Variants in ATP2B4 observed in about 807,000 individuals in gnomAD.
ATP2B4 encodes plasma membrane calcium-transporting ATPase 4.
In ATP2B4, 39 loss-of-function variants were observed where a neutral mutation model predicts 110.3. The observed-to-expected ratio is 0.35, with a 90% CI of 0.27 to 0.46. The LOEUF (loss-of-function observed/expected upper bound fraction) is 0.46. Among genes scored for constraint, ATP2B4 ranks in the 20% least tolerant of loss-of-function variants. The pLI, the probability that ATP2B4 is intolerant of heterozygous loss-of-function variation, is 1.00. For missense variants in ATP2B4, 1,135 were observed against 1,530.9 expected, an observed-to-expected ratio of 0.74 and a Z score of 4.32; for synonymous variants, 538 against 571.7, an observed-to-expected ratio of 0.94 and a Z score of 0.84.
intron 1 of ATP2B4, among the ~76,000 whole-genome samples, chr1:203,645,590 C>CTTTTTTTTTTTTT: frequency 7.2e-6 from 1 of 138,536 alleles, no homozygotes; most frequent in Non-Finnish European, 1.6e-5. Context: ...CCTTTTCTTT[C>CTTTTTTTTTTTTT]TTTTTTTTTT....
In ATP2B4 at chr1:203,681,933, T is replaced by TAAA. The variant is rs33945815; in HGVS notation, c.-464-808_-464-807insAAA. 2.5e-3 allele frequency among the ~76,000 whole-genome samples: 362 copies of TAAA among 147,036 alleles called. 1 individual carries two copies. Among genetic ancestry groups the TAAA allele is most frequent in the Middle Eastern group, 6.9e-3 (2 of 290 alleles). The stretch of plus-strand genomic sequence containing the variant: ...TCAGAGGTCCTTCTGTCCCCTTTAC[T>TAAA]AGAAAAAAAAAAAAGTTCACCCTGC... On this transcript the variant is annotated intron_variant, in intron 1 of 20. Transcript: ENST00000357681.
chr1:203,720,523 C>A, intron 15 of ATP2B4, 26 bp from the exon 16 acceptor site: 1 of 1,577,752 alleles, frequency 6.3e-7, no homozygotes, highest in Non-Finnish European at 8.6e-7. Context: ...CACTCCCTCA[C>A]TGTTTTCCCT....
chr1:203,713,377 C>T (rs1666068277), intron 14 of ATP2B4, 125 bp downstream of exon 14: 1 of 925,712 alleles, frequency 1.1e-6, no homozygotes, highest in Non-Finnish European at 1.7e-6. Flanking sequence ...AGCTCCCAGG[C>T]TAGTGGGGAG....
At chr1:203,722,710 G>C in intron 18 of ATP2B4, 21 bp downstream of exon 18, 1 of 1,611,012 alleles carries the variant, frequency 6.2e-7, no homozygotes, top group Admixed American at 1.7e-5. Context: ...ATCTGCAGTT[G>C]GGGCAGGAGA....
intron 7 of ATP2B4, 40 bp downstream of exon 7, chr1:203,702,119 C>T: frequency 6.2e-7 from 1 of 1,610,360 alleles, no homozygotes; most frequent in Non-Finnish European, 8.5e-7. Context: ...TCTACCTGCC[C>T]ACACTCAAAC....
At chr1:203,653,262 G>C (rs904125935) in intron 1 of ATP2B4, among the ~76,000 whole-genome samples, 3 of 152,218 alleles carry the variant, frequency 2.0e-5, no homozygotes, top group Admixed American at 1.3e-4. Flanking sequence ...GGTTGACAGA[G>C]GGGAGGAAGC....
At chr1:203,691,242 G>T (rs1665364356) in intron 2 of ATP2B4, among the ~76,000 whole-genome samples, 1 of 152,156 alleles carries the variant, frequency 6.6e-6, no homozygotes, top group East Asian at 1.9e-4. Context: ...TTTTTTGGGG[G>T]TCTGATTTGG....
At chr1:203,719,145 A>G (rs1399065739) in intron 15 of ATP2B4, among the ~76,000 whole-genome samples, 3 of 149,644 alleles carry the variant, frequency 2.0e-5, no homozygotes, top group Non-Finnish European at 4.4e-5. Flanking sequence ...GGATTGCTTG[A>G]GCCCAAGAAT....
chr1:203,693,285 T>C (rs1324777133), intron 2 of ATP2B4, among the ~76,000 whole-genome samples: 1 of 152,096 alleles, frequency 6.6e-6, no homozygotes, highest in Admixed American at 6.5e-5. Flanking sequence ...TTGGCCGAGC[T>C]CCCAGTCCCA....
intron 19 of ATP2B4, among the ~76,000 whole-genome samples, chr1:203,726,707 C>T (rs532225384): frequency 1.4e-4 from 21 of 152,268 alleles, no homozygotes; most frequent in African/African-American, 3.4e-4. Flanking sequence ...TTATCTTGTC[C>T]GGAAAGAACT....
chr1:203,655,311 C>G (rs1664126117), intron 1 of ATP2B4, among the ~76,000 whole-genome samples: 1 of 151,460 alleles, frequency 6.6e-6, no homozygotes, highest in South Asian at 2.1e-4. Context: ...AAGTTCTACT[C>G]TGGGTAAAAT....
intron 1 of ATP2B4, among the ~76,000 whole-genome samples, chr1:203,645,236 G>A (rs1663758678): frequency 6.6e-6 from 1 of 152,100 alleles, no homozygotes; most frequent in Non-Finnish European, 1.5e-5. Flanking sequence ...TTGTCTAAAT[G>A]GGGTCTAACT....
chr1:203,652,833 T>C (rs2102320598), intron 1 of ATP2B4, among the ~76,000 whole-genome samples: 1 of 152,332 alleles, frequency 6.6e-6, no homozygotes, highest in African/African-American at 2.4e-5. Flanking sequence ...TCTTCATCTC[T>C]CTCTTTCTCC....
At chr1:203,637,375 G>A (rs1440547668) in intron 1 of ATP2B4, among the ~76,000 whole-genome samples, 1 of 147,302 alleles carries the variant, frequency 6.8e-6, no homozygotes, top group African/African-American at 2.5e-5. Context: ...GGCGGAGCCT[G>A]CAGTGAGCCG....
chr1:203,723,497 C>T (rs1435970043), intron 18 of ATP2B4, among the ~76,000 whole-genome samples: 6 of 142,682 alleles, frequency 4.2e-5, no homozygotes, highest in African/African-American at 1.3e-4. Context: ...TTCCCCCCTC[C>T]CCCAGGGGGA....
intron 1 of ATP2B4, among the ~76,000 whole-genome samples, chr1:203,678,956 T>C (rs1269282102): frequency 1.3e-5 from 2 of 152,186 alleles, no homozygotes; most frequent in Non-Finnish European, 2.9e-5. Context: ...ACAGATGTTA[T>C]AGGAATTTAG....
chr1:203,646,569 C>T (rs1663807283), intron 1 of ATP2B4, among the ~76,000 whole-genome samples: 1 of 152,088 alleles, frequency 6.6e-6, no homozygotes, highest in African/African-American at 2.4e-5. Flanking sequence ...TCAAGACCAG[C>T]CTGGTTAACA....
intron 20 of ATP2B4, among the ~76,000 whole-genome samples, chr1:203,731,849 CA>C (rs35528335): frequency 8.4e-4 from 43 of 51,072 alleles, no homozygotes; most frequent in African/African-American, 2.8e-3. Flanking sequence ...GACTCTGTCT[CA>C]AAAAAAAAAA....
intron 20 of ATP2B4, among the ~76,000 whole-genome samples, chr1:203,737,494 T>G (rs1404608940): frequency 2.0e-5 from 3 of 152,204 alleles, no homozygotes; most frequent in East Asian, 3.8e-4. Context: ...GAGAAGGCAC[T>G]GGGTTTGGAC....
Sources: allele counts gnomAD v4.1 joint callset (sites outside exome capture counted in the v4.1 genomes callset), GRCh38; gene constraint gnomAD v4.1.1; transcripts MANE v1.5; gene names NCBI Gene and HGNC (gene_info 2026-07-23, HGNC 2026-07-21).